ST3GAL4: variants seen among roughly 807,000 people sequenced by gnomAD.
ST3GAL4 encodes CMP-N-acetylneuraminate-beta-galactosamide-alpha-2,3-sialyltransferase 4.
ST3GAL4 carries 24 observed loss-of-function variants against 42.6 expected under a neutral mutation model. That is an observed-to-expected ratio of 0.56 (90% CI 0.41 to 0.79). The LOEUF is 0.79. Ranked by LOEUF, ST3GAL4 falls within the 30% of genes least tolerant of loss-of-function variation. The probability of loss-of-function intolerance (pLI) is 0.00; values close to 1 mark genes in which losing one functional copy is unlikely to be tolerated. For synonymous variants in ST3GAL4, 135 were observed against 163.2 expected (o/e 0.83, Z 1.32); for missense variants, 311 against 430.8 (o/e 0.72, Z 2.46).
At chr11:126,412,777 C>A (rs1234048784) in intron 9 of ST3GAL4, among the ~76,000 whole-genome samples, 1 of 152,232 alleles carries the variant, frequency 6.6e-6, no homozygotes, top group Non-Finnish European at 1.5e-5. Flanking sequence ...AGGAGGAGGG[C>A]AGAACACTTC....
chr11:126,414,269 G>C lies in ST3GAL4; in HGVS notation c.*222G>C, dbSNP rs1010313074. Reference sequence around the variant, plus strand: ...GGGGGCGCTGGAGCCGTGGGAGCCCGGCCAGGGCAGGGGGCTCGTTGCTGT... The same window carrying C: ...GGGGGCGCTGGAGCCGTGGGAGCCCCGCCAGGGCAGGGGGCTCGTTGCTGT... On this transcript the variant is annotated 3_prime_UTR_variant, in exon 11 of 11. Coordinates refer to ENST00000444328, the MANE Select transcript of ST3GAL4 (RefSeq NM_001254757.2). The C allele has an allele frequency of 5.2e-6, 3 of 580,900 alleles. No individual in the cohort carries two copies. Among genetic ancestry groups the C allele is most frequent in the Non-Finnish European group, 9.3e-6 (3 of 323,986 alleles). The allele number at this position is 580,900 out of a possible 1,614,324, so 36.0% of individuals were successfully genotyped here. A position where few individuals can be genotyped will look rare whatever the true frequency, so the allele number is the denominator to read the frequency against.
chr11:126,359,061 T>C lies in ST3GAL4; in HGVS notation c.-61+3219T>C, dbSNP rs1191602625. ...AGCCTGTGCATGGGGGTTGGGGTCC[T>C]CAGGATCTTGCTTTCCTGTTTAGGG... On this transcript the variant is annotated intron_variant, in intron 1 of 10. Coordinates refer to ENST00000444328, the MANE Select transcript of ST3GAL4 (RefSeq NM_001254757.2). This position sits in a 1 kb window ranked among gnomAD's most constrained non-coding sequence, Gnocchi z 4.8. 5.3e-5 allele frequency among the ~76,000 whole-genome samples: 8 copies of C among 152,156 alleles called. No individual in the cohort carries two copies. Among genetic ancestry groups the C allele is most frequent in the Non-Finnish European group, 2.9e-5 (2 of 68,008 alleles).
chr11:126,377,411 T>A (rs1321582996), intron 1 of ST3GAL4, among the ~76,000 whole-genome samples: 1 of 151,676 alleles, frequency 6.6e-6, no homozygotes, highest in Non-Finnish European at 1.5e-5. Flanking sequence ...CCTCAGGTGA[T>A]CCACCTGCCT....
Position 126,376,575 on chromosome 11 carries a change from C to A in ST3GAL4, c.-61+20733C>A, listed in dbSNP as rs185343352. Among the ~76,000 whole-genome samples, 2 of 152,280 alleles carry A rather than the reference C, an allele frequency of 1.3e-5. No individual in the cohort carries two copies. Among genetic ancestry groups the A allele is most frequent in the South Asian group, 2.1e-4 (1 of 4,828 alleles). ...AAACAGAAGCATTTACCATAAATAA[C>A]CCCAGTTAAGATTTGATTATGCTGT... On this transcript the variant is annotated intron_variant, in intron 1 of 10. Transcript: ENST00000444328. This position sits in a 1 kb window ranked among gnomAD's most constrained non-coding sequence, Gnocchi z 5.1.
chr11:126,384,673 C>T lies in ST3GAL4; in HGVS notation c.-60-21423C>T. ...ACCCAGACAGACAGATGGAGAGCCACCTCCCTAGGGGCCTCCTCCCCCTCC... is the reference window on the plus strand; with the variant it reads ...ACCCAGACAGACAGATGGAGAGCCATCTCCCTAGGGGCCTCCTCCCCCTCC... On this transcript the variant is annotated intron_variant, in intron 1 of 10. Coordinates refer to ENST00000444328, the MANE Select transcript of ST3GAL4 (RefSeq NM_001254757.2). This position sits in a 1 kb window ranked among gnomAD's most constrained non-coding sequence, Gnocchi z 5.5. 3 of 985,274 alleles carry T rather than the reference C, an allele frequency of 3.0e-6. No individual in the cohort carries two copies. The highest frequency in any genetic ancestry group is 1.7e-5 in the African/African-American group (1 of 57,328). 61.0% of individuals were successfully genotyped at this position (985,274 alleles called of 1,614,324 possible). A position where few individuals can be genotyped will look rare whatever the true frequency, so the allele number is the denominator to read the frequency against.
chr11:126,382,048 C>T (rs1420823492), intron 1 of ST3GAL4, among the ~76,000 whole-genome samples: 6 of 152,116 alleles, frequency 3.9e-5, no homozygotes, highest in Non-Finnish European at 8.8e-5. Flanking sequence ...CCCTGATCAC[C>T]GCACTCCCCA....
rs1954492475 is a variant in ST3GAL4 at position 126,410,750 on chromosome 11, G to A, written c.771+1339G>A. ...GGAAGTTGTGCTCCTTGCTCTAAGG[G>A]ACCTCAGTCTAGCAGAGTAAGAATG... On this transcript the variant is annotated intron_variant, in intron 9 of 10. Transcript: ENST00000444328. This position sits in a 1 kb window ranked among gnomAD's most constrained non-coding sequence, Gnocchi z 5.3. Among the ~76,000 whole-genome samples, 1 of 152,178 alleles carries A rather than the reference G, an allele frequency of 6.6e-6. No individual in the cohort carries two copies. Among genetic ancestry groups the A allele is most frequent in the Admixed American group, 6.5e-5 (1 of 15,278 alleles).
intron 1 of ST3GAL4, among the ~76,000 whole-genome samples, chr11:126,401,797 CAA>C (rs1186020047): frequency 4.6e-5 from 7 of 151,966 alleles, no homozygotes; most frequent in Non-Finnish European, 8.8e-5. Context: ...AGAATAAAAA[CAA>C]GAGTGGAGGG....
chr11:126,361,596 C>A (rs1952245699), intron 1 of ST3GAL4, among the ~76,000 whole-genome samples: 1 of 152,040 alleles, frequency 6.6e-6, no homozygotes, highest in African/African-American at 2.4e-5. Flanking sequence ...ACCGGCACTT[C>A]CTCCCCCTTC....
intron 1 of ST3GAL4, chr11:126,358,570 T>A: frequency 4.8e-6 from 2 of 418,896 alleles, no homozygotes; most frequent in Non-Finnish European, 9.8e-6. Context: ...TAGCTTCACG[T>A]GAGAGCAGCA....
rs1240453633 is a variant in ST3GAL4, at chr11:126,355,864, GC to G, written c.-61+23del. On this transcript the variant is annotated intron_variant, in intron 1 of 10. Transcript: ENST00000444328. The surrounding 1 kb of genome is among the most constrained non-coding windows in gnomAD (Gnocchi z 7.1). The stretch of plus-strand genomic sequence containing the variant: ...GAGGGTGAGTACGCGGCGGCGGTGC[GC>G]GGGGGCCCGCGGGGCGGGGCGGGGC... The G allele has an allele frequency of 1.3e-5, 2 of 148,956 alleles. No individual in the cohort carries two copies. Among genetic ancestry groups the G allele is most frequent in the African/African-American group, 4.9e-5 (2 of 41,094 alleles). The allele number at this position is 148,956 out of a possible 1,614,324, so 9.2% of individuals were successfully genotyped here. A position where few individuals can be genotyped will look rare whatever the true frequency, so the allele number is the denominator to read the frequency against.
intron 1 of ST3GAL4, among the ~76,000 whole-genome samples, chr11:126,382,785 C>T (rs913371314): frequency 9.8e-5 from 15 of 152,352 alleles, no homozygotes; most frequent in Admixed American, 7.8e-4. Context: ...ATCCTCTGTC[C>T]CCAGGCAGTC....
chr11:126,413,596 A>G lies in ST3GAL4; in HGVS notation c.863A>G (p.Asn288Ser). 1 of 1,614,270 alleles carries G rather than the reference A, an allele frequency of 6.2e-7. No individual in the cohort carries two copies. The highest frequency in any genetic ancestry group is 8.5e-7 in the Non-Finnish European group (1 of 1,180,050). ...GGCTTTGGCTACCCAGACGCCTACA[A>G]CAAGAAGCAGACCATTCACTACTAT... Reference protein sequence around the residue: ...IAGFGYPDAYNKKQTIHYYEQ... With the variant: ...IAGFGYPDAYSKKQTIHYYEQ... Residue 288 changes from asparagine (N) to serine (S), a missense_variant, in exon 10 of 11, where the codon AAC (asparagine) becomes AGC (serine). Coordinates refer to ENST00000444328, the MANE Select transcript of ST3GAL4 (RefSeq NM_001254757.2).
rs77413769 is a variant in ST3GAL4, at chr11:126,410,718, T to G, written c.771+1307T>G. 4.9e-3 allele frequency among the ~76,000 whole-genome samples: 749 copies of G among 152,350 alleles called. 5 individuals carry two copies. Among genetic ancestry groups the G allele is most frequent in the African/African-American group, 0.017 (707 of 41,588 alleles). On this transcript the variant is annotated intron_variant, in intron 9 of 10. Coordinates refer to ENST00000444328, the MANE Select transcript of ST3GAL4 (RefSeq NM_001254757.2). The surrounding 1 kb of genome is among the most constrained non-coding windows in gnomAD (Gnocchi z 5.3). The stretch of plus-strand genomic sequence containing the variant: ...AATGCCAGGCCCCGAGTCTTCTTGC[T>G]TGGCGAGGAAGTTGTGCTCCTTGCT...
rs187968073 is a variant in ST3GAL4, at chr11:126,372,965, C to A, written c.-61+17123C>A. Among the ~76,000 whole-genome samples, 11 of 152,302 alleles carry A rather than the reference C, an allele frequency of 7.2e-5. No individual in the cohort carries two copies. The East Asian group carries it at 2.1e-3, about 29-fold the overall frequency. On this transcript the variant is annotated intron_variant, in intron 1 of 10. Coordinates refer to ENST00000444328, the MANE Select transcript of ST3GAL4 (RefSeq NM_001254757.2). The stretch of plus-strand genomic sequence containing the variant: ...ATACCCCGAAGCACAGTTGTGGGAT[C>A]CTATCTTGTCTCTTGTTTTCTCTTT...
Position 126,384,442 on chromosome 11 carries a change from C to T in ST3GAL4, c.-60-21654C>T, listed in dbSNP as rs1953135326. ...GTCCCTGCTTGGGGATTTTGGGGTA[C>T]TGGGTTTGGATAGAGTGTGTCATCT... On this transcript the variant is annotated intron_variant, in intron 1 of 10. Coordinates refer to ENST00000444328, the MANE Select transcript of ST3GAL4 (RefSeq NM_001254757.2). The surrounding 1 kb of genome is among the most constrained non-coding windows in gnomAD (Gnocchi z 5.5). 6.6e-6 allele frequency among the ~76,000 whole-genome samples: 1 copy of T among 151,904 alleles called. No individual in the cohort carries two copies. The highest frequency in any genetic ancestry group is 6.6e-5 in the Admixed American group (1 of 15,226).
At chr11:126,358,455 A>G (rs950959676) in intron 1 of ST3GAL4, 1 of 455,038 alleles carries the variant, frequency 2.2e-6, no homozygotes, top group African/African-American at 2.0e-5. Context: ...TGGATGGACT[A>G]CTGGCTGTCC....
rs1398525185 is a variant in ST3GAL4, at chr11:126,391,066, T to G, written c.-60-15030T>G. On this transcript the variant is annotated intron_variant, in intron 1 of 10. Transcript: ENST00000444328. The surrounding 1 kb of genome is among the most constrained non-coding windows in gnomAD (Gnocchi z 5.5). ...TTCCATTGTATGCGTAGACCACATT[T>G]TGTGGATCCGTTCATCCACTGATGG... 6.6e-6 allele frequency among the ~76,000 whole-genome samples: 1 copy of G among 152,268 alleles called. No individual in the cohort carries two copies. Among genetic ancestry groups the G allele is most frequent in the Admixed American group, 6.5e-5 (1 of 15,288 alleles).
intron 1 of ST3GAL4, among the ~76,000 whole-genome samples, chr11:126,365,668 A>T (rs1354032617): frequency 6.6e-6 from 1 of 152,232 alleles, no homozygotes; most frequent in Non-Finnish European, 1.5e-5. Flanking sequence ...TGACCCTGAA[A>T]TTGCTAAAGC....
Sources: gnomAD v4.1 joint callset for allele counts (sites outside exome capture counted in the v4.1 genomes callset) on GRCh38, gnomAD v4.1.1 for gene constraint, Gnocchi (gnomAD v3.1) non-coding constraint, MANE v1.5 for transcripts, NCBI Gene and HGNC (gene_info 2026-07-23, HGNC 2026-07-21) for gene names.